IREB2: variants seen among roughly 807,000 people sequenced by gnomAD.
The protein encoded by IREB2 is iron-responsive element-binding protein 2.
A neutral mutation model predicts 118.8 loss-of-function variants in IREB2; 39 were observed. The ratio of observed to expected loss-of-function variants is 0.33; its 90% confidence interval spans 0.25 to 0.43. IREB2 has a LOEUF of 0.43. IREB2 is among the 20% of genes least tolerant of loss of function. IREB2 has a pLI of 1.00. For synonymous variants in IREB2, 372 were observed against 392.2 expected, an observed-to-expected ratio of 0.95 and a Z score of 0.61; for missense variants, 900 against 1,147.3, an observed-to-expected ratio of 0.78 and a Z score of 3.11.
At chr15:78,444,606 A>G (rs1381084973) in intron 2 of IREB2, among the ~76,000 whole-genome samples, 2 of 152,106 alleles carry the variant, frequency 1.3e-5, no homozygotes, top group Admixed American at 6.6e-5. Context: ...CCTGTATTTA[A>G]TTTTTTAGGA....
intron 16 of IREB2, among the ~76,000 whole-genome samples, 164 bp from the exon 17 acceptor site, chr15:78,490,254 AAAAG>A (rs1197157702): frequency 4.6e-5 from 7 of 152,334 alleles, no homozygotes; most frequent in African/African-American, 1.4e-4. Flanking sequence ...TTTTTTAAAA[AAAAG>A]AAAAGAATAC....
intron 15 of IREB2, 94 bp from the exon 16 acceptor site, chr15:78,488,553 C>T (rs1255633092): frequency 7.1e-6 from 9 of 1,264,580 alleles, no homozygotes; most frequent in Non-Finnish European, 8.7e-6. Flanking sequence ...CCTGTTGAAT[C>T]ATTTACTTGA....
chr15:78,481,346 A>G (rs8041085), intron 10 of IREB2, among the ~76,000 whole-genome samples: 146,970 of 151,742 alleles, frequency 0.97, 71,356 homozygotes, highest in Middle Eastern at 1. Flanking sequence ...AGGATTACAG[A>G]CATGCGCCAC....
chr15:78,472,691 A>G (rs2051399886), intron 7 of IREB2, among the ~76,000 whole-genome samples: 1 of 152,112 alleles, frequency 6.6e-6, no homozygotes, highest in African/African-American at 2.4e-5. Context: ...ATATGCCATG[A>G]CTTTGCATAG....
chr15:78,489,155 G>A (rs2051708137), intron 16 of IREB2, among the ~76,000 whole-genome samples: 1 of 152,038 alleles, frequency 6.6e-6, no homozygotes, highest in Admixed American at 6.5e-5. Context: ...CTGGGAGGCG[G>A]AGGTTGCGGT....
intron 2 of IREB2, among the ~76,000 whole-genome samples, chr15:78,440,237 C>T (rs1316041234): frequency 6.6e-6 from 1 of 152,172 alleles, no homozygotes; most frequent in Non-Finnish European, 1.5e-5. Context: ...ATCCTCCCAC[C>T]TCTGCCTCCC....
At chr15:78,438,601 A>C in intron 1 of IREB2, 4 of 511,074 alleles carry the variant, frequency 7.8e-6, no homozygotes, top group South Asian at 2.6e-5. Context: ...GCTGGCCTTG[A>C]CCCGCACCCC....
chr15:78,449,874 T>C (rs1228204121), intron 2 of IREB2, among the ~76,000 whole-genome samples: 1 of 152,200 alleles, frequency 6.6e-6, no homozygotes, highest in Non-Finnish European at 1.5e-5. Context: ...TTTATTGTTA[T>C]CAGCTTATTT....
intron 2 of IREB2, among the ~76,000 whole-genome samples, chr15:78,441,883 TTTTTATTTTATTTTA>T (rs557686274): frequency 6.6e-6 from 1 of 151,946 alleles, no homozygotes; most frequent in Non-Finnish European, 1.5e-5. Flanking sequence ...AGTACCCTGG[TTTTTATTTTATTTTA>T]TTTTATTTTA....
intron 10 of IREB2, among the ~76,000 whole-genome samples, chr15:78,481,049 CTTATGCCTGTAA>C (rs1290917603): frequency 1.3e-5 from 2 of 151,832 alleles, no homozygotes; most frequent in African/African-American, 4.8e-5. Flanking sequence ...GGTGTGGTGG[CTTATGCCTGTAA>C]TTACAACCCT....
At chr15:78,443,408 C>T (rs1299075093) in intron 2 of IREB2, among the ~76,000 whole-genome samples, 3 of 152,136 alleles carry the variant, frequency 2.0e-5, no homozygotes, top group African/African-American at 4.8e-5. Flanking sequence ...AATCTATCTG[C>T]GTTACCAACC....
Position 78,473,370 on chromosome 15 carries a change from G to T in IREB2, c.1012G>T (p.Gly338Cys). The T allele has an allele frequency of 6.2e-7, 1 of 1,613,324 alleles. No homozygotes were observed. The highest frequency in any genetic ancestry group is 8.5e-7 in the Non-Finnish European group (1 of 1,179,624). ...TGTTACATCCATAGATGTTGTTCTT[G>T]GTATTACAAAGGTAAGTTAAAGTTG... is the stretch of plus-strand genomic sequence containing the variant. ...PFVTSIDVVL[G>C]ITKHLRQVGV... Residue 338 changes from glycine (G) to cysteine (C), a missense_variant, in exon 8 of 22, where the codon GGT becomes TGT. Transcript: ENST00000258886.
chr15:78,438,198 C>G (rs901861102), upstream of IREB2: 1 of 681,414 alleles, frequency 1.5e-6, no homozygotes, highest in African/African-American at 1.8e-5. Context: ...GGCTCTGCTG[C>G]TCTCGCGATA....
chr15:78,478,202 C>T lies in IREB2; in HGVS notation c.1196-95C>T, dbSNP rs1245341384. ...TGAGCTGTGATTGCAGCACTGCGCT[C>T]CAGCCTGGGCAACAAAGTGAAACCC... On this transcript the variant is annotated intron_variant, in intron 9 of 21. Coordinates refer to ENST00000258886, the MANE Select transcript of IREB2 (RefSeq NM_004136.4). The T allele has an allele frequency of 1.2e-5, 10 of 810,278 alleles. No homozygotes were observed. In the East Asian group the frequency reaches 2.4e-4, roughly 20 times the overall value. 50.2% of individuals were successfully genotyped at this position (810,278 alleles called of 1,614,324 possible).
intron 2 of IREB2, among the ~76,000 whole-genome samples, chr15:78,461,835 C>T (rs888907839): frequency 6.6e-6 from 1 of 152,152 alleles, no homozygotes; most frequent in Admixed American, 6.5e-5. Flanking sequence ...CTGCTTGTTA[C>T]ACCAGTCACA....
chr15:78,470,677 C>G, intron 6 of IREB2, 76 bp downstream of exon 6: 2 of 332,862 alleles, frequency 6.0e-6, no homozygotes, highest in Non-Finnish European at 1.0e-5. Flanking sequence ...ATCTTTGTTT[C>G]TTTTTCTTTT....
At chr15:78,468,168 AAG>A (rs2051316467) in intron 5 of IREB2, among the ~76,000 whole-genome samples, 1 of 152,108 alleles carries the variant, frequency 6.6e-6, no homozygotes, top group Non-Finnish European at 1.5e-5. Context: ...TTTTATTTTT[AAG>A]AGAGTTATGT....
intron 2 of IREB2, among the ~76,000 whole-genome samples, chr15:78,453,543 T>G (rs897077448): frequency 6.6e-6 from 1 of 151,932 alleles, no homozygotes; most frequent in African/African-American, 2.4e-5. Context: ...AGGAAATGAT[T>G]GATGACTCTT....
intron 20 of IREB2, among the ~76,000 whole-genome samples, chr15:78,496,305 T>TC (rs1218915277): frequency 6.6e-6 from 1 of 152,246 alleles, no homozygotes; most frequent in African/African-American, 2.4e-5. Context: ...TCTCACTCTG[T>TC]CGTCCAGGCT....
Sources: gnomAD v4.1 joint callset for allele counts (sites outside exome capture counted in the v4.1 genomes callset) on GRCh38, gnomAD v4.1.1 for gene constraint, MANE v1.5 for transcripts, NCBI Gene and HGNC (gene_info 2026-07-23, HGNC 2026-07-21) for gene names.